Variants in PXDNL observed in about 807,000 individuals in gnomAD.
PXDNL encodes probable oxidoreductase PXDNL.
In PXDNL, 145 loss-of-function variants were observed where a neutral mutation model predicts 150.8. The observed-to-expected ratio is 0.96, with a 90% confidence interval of 0.84 to 1.10. The LOEUF is 1.10. Among genes scored for constraint, PXDNL ranks in the 50% least tolerant of loss-of-function variants. PXDNL has a pLI of 0.00. For synonymous variants in PXDNL, 757 were observed against 725.7 expected (o/e 1.04, Z -0.69); for missense variants, 2,087 against 1,873.9 (o/e 1.11, Z -2.10).
At chr8:51,638,245 C>A (rs1814651912) in intron 2 of PXDNL, among the ~76,000 whole-genome samples, 3 of 152,188 alleles carry the variant, frequency 2.0e-5, no homozygotes, top group African/African-American at 7.2e-5. Context: ...ACTGCAAAAA[C>A]ATGCCAAATT....
At chr8:51,534,483 G>T (rs566950270) in intron 4 of PXDNL, among the ~76,000 whole-genome samples, 250 of 58,320 alleles carry the variant, frequency 4.3e-3, no homozygotes, top group African/African-American at 0.02. Flanking sequence ...AGGGAGGTGG[G>T]GGGGTCAGCC....
At chr8:51,647,940 G>A (rs1814955897) in intron 2 of PXDNL, among the ~76,000 whole-genome samples, 1 of 151,954 alleles carries the variant, frequency 6.6e-6, no homozygotes, top group Admixed American at 6.6e-5. Context: ...ATCAAGAAAA[G>A]CACTGTAAAA....
intron 14 of PXDNL, 85 bp from the exon 15 acceptor site, chr8:51,413,343 AATGTAATGCCATTAC>A: frequency 1.3e-6 from 1 of 752,984 alleles, no homozygotes; most frequent in Non-Finnish European, 2.3e-6. Flanking sequence ...TACATTTTTA[AATGTAATGCCATTAC>A]ATTTAAAACC....
chr8:51,571,087 C>T (rs1000400603), intron 3 of PXDNL, among the ~76,000 whole-genome samples: 1 of 149,236 alleles, frequency 6.7e-6, no homozygotes, highest in South Asian at 2.1e-4. Flanking sequence ...TATATCAGTT[C>T]TTTTTTTTTG....
intron 4 of PXDNL, among the ~76,000 whole-genome samples, chr8:51,517,137 G>C: frequency 6.6e-6 from 1 of 151,800 alleles, no homozygotes; most frequent in East Asian, 1.9e-4. Flanking sequence ...ATATTTGCCC[G>C]GATAACTTTT....
chr8:51,408,605 C>T lies in PXDNL; in HGVS notation c.3019G>A (p.Ala1007Thr), dbSNP rs1351260805. The change falls in exon 17 of 23, where the codon GCG becomes ACG. Residue 1007 changes from alanine (A) to threonine (T), a missense_variant. Coordinates refer to ENST00000356297, the MANE Select transcript of PXDNL (RefSeq NM_144651.5). ...VYQEARKIVGAELQHITYSHW... is the reference protein window; with the variant it reads ...VYQEARKIVGTELQHITYSHW... Reference sequence around the variant, plus strand: ...CTGTAGGTGATGTGCTGCAGCTCCGCGCCCACGATCTTCCTGGCTTCCTGG... The same window carrying T: ...CTGTAGGTGATGTGCTGCAGCTCCGTGCCCACGATCTTCCTGGCTTCCTGG... 3 of 1,611,148 alleles carry T rather than the reference C, an allele frequency of 1.9e-6. No homozygotes were observed. Among genetic ancestry groups the T allele is most frequent in the Admixed American group, 1.7e-5 (1 of 59,712 alleles).
intron 2 of PXDNL, among the ~76,000 whole-genome samples, chr8:51,631,386 C>A (rs1396287058): frequency 2.0e-5 from 3 of 152,048 alleles, no homozygotes; most frequent in Non-Finnish European, 4.4e-5. Flanking sequence ...CCATGACATG[C>A]AATTTACCTG....
rs141687097 is a variant in PXDNL at position 51,646,534 on chromosome 8, C to T, written c.236+8155G>A. Among the ~76,000 whole-genome samples the T allele has an allele frequency of 2.1e-3, 326 of 152,246 alleles. 2 individuals carry two copies. The highest frequency in any genetic ancestry group is 7.3e-3 in the African/African-American group (302 of 41,544). ...CAAAACAAGCACTGAAGAATACCCACGAGATGGGGCACTTCCATGGCAGCC... is the reference window on the plus strand; with the variant it reads ...CAAAACAAGCACTGAAGAATACCCATGAGATGGGGCACTTCCATGGCAGCC... On this transcript the variant is annotated intron_variant, in intron 2 of 22. Transcript: ENST00000356297.
intron 10 of PXDNL, among the ~76,000 whole-genome samples, chr8:51,452,568 T>A (rs1809829641): frequency 6.6e-6 from 1 of 152,154 alleles, no homozygotes; most frequent in Non-Finnish European, 1.5e-5. Flanking sequence ...GGGGCCAAGA[T>A]CACTCTTGGG....
intron 11 of PXDNL, 131 bp downstream of exon 11, chr8:51,448,869 CAA>C: frequency 1.4e-6 from 1 of 692,206 alleles, no homozygotes; most frequent in East Asian, 2.7e-5. Flanking sequence ...ATATTTAGAT[CAA>C]AGATTATTTT....
Position 51,372,000 on chromosome 8 carries a change from A to C in PXDNL, c.3774T>G (p.Cys1258Trp). 1.2e-6 allele frequency: 2 copies of C among 1,613,476 alleles called. No individual in the cohort carries two copies. The highest frequency in any genetic ancestry group is 1.7e-6 in the Non-Finnish European group (2 of 1,179,674). The change falls in exon 19 of 23, where the codon TGT becomes TGG. Residue 1258 changes from cysteine to tryptophan, a missense_variant. By Grantham distance (215) the Cys-to-Trp change is radical (BLOSUM62 -2). Coordinates refer to ENST00000356297, the MANE Select transcript of PXDNL (RefSeq NM_144651.5). ...CTTGCTGAATGCTGTCACCATTGTC[A>C]CAAAGCACCCGGCTCAGGGACGCCT... The part of the protein sequence containing the change: ...LKQASLSRVL[C>W]DNGDSIQQVQ...
At chr8:51,541,627 G>A (rs114376349) in intron 4 of PXDNL, among the ~76,000 whole-genome samples, 2,597 of 152,266 alleles carry the variant, frequency 0.017, 33 homozygotes, top group African/African-American at 0.029. Flanking sequence ...AGGGCTCTCT[G>A]TGTAGCTCCC....
intron 1 of PXDNL, among the ~76,000 whole-genome samples, chr8:51,735,591 G>T (rs1817021910): frequency 8.0e-6 from 1 of 124,544 alleles, no homozygotes; most frequent in Admixed American, 8.8e-5. Flanking sequence ...CTGTCGCCCA[G>T]GCTGGAGTGC....
chr8:51,703,795 A>C (rs1403005275), intron 1 of PXDNL, among the ~76,000 whole-genome samples: 1 of 152,254 alleles, frequency 6.6e-6, no homozygotes, highest in Non-Finnish European at 1.5e-5. Flanking sequence ...CATGATTAAA[A>C]ATCCTTTTGT....
chr8:51,327,996 G>C lies in PXDNL; in HGVS notation c.4147-7099C>G, dbSNP rs115399968. Among the ~76,000 whole-genome samples, 721 of 152,316 alleles carry C rather than the reference G, an allele frequency of 4.7e-3. 5 individuals carry two copies. Among genetic ancestry groups the C allele is most frequent in the African/African-American group, 0.017 (696 of 41,572 alleles). ...TGGTTAGTTTTATGAGTCAGCTTTG[G>C]GAGTGCTTTTGGATGAGATTAACAT... On this transcript the variant is annotated intron_variant, in intron 21 of 22. Coordinates refer to ENST00000356297, the MANE Select transcript of PXDNL (RefSeq NM_144651.5).
chr8:51,561,567 T>C (rs886113920), intron 3 of PXDNL, among the ~76,000 whole-genome samples: 1 of 151,816 alleles, frequency 6.6e-6, no homozygotes, highest in Non-Finnish European at 1.5e-5. Context: ...TTCTGACACA[T>C]GCTACAAAAT....
chr8:51,432,856 A>T (rs75595467), intron 12 of PXDNL, among the ~76,000 whole-genome samples: 2,063 of 152,268 alleles, frequency 0.014, 41 homozygotes, highest in African/African-American at 0.047. Context: ...GCCTTTCCGT[A>T]AAGGCTAGGA....
At chr8:51,439,466 C>G (rs1349395991) in intron 12 of PXDNL, among the ~76,000 whole-genome samples, 1 of 152,118 alleles carries the variant, frequency 6.6e-6, no homozygotes, top group Non-Finnish European at 1.5e-5. Context: ...AACACTTTTA[C>G]ACTGCTGGTG....
At chr8:51,599,749 A>T (rs1813655924) in intron 2 of PXDNL, among the ~76,000 whole-genome samples, 1 of 146,392 alleles carries the variant, frequency 6.8e-6, no homozygotes, top group Non-Finnish European at 1.5e-5. Flanking sequence ...TATATAAATG[A>T]TATCGTTTAT....
Sources: allele counts gnomAD v4.1 joint callset (sites outside exome capture counted in the v4.1 genomes callset), GRCh38; gene constraint gnomAD v4.1.1; transcripts MANE v1.5; gene names NCBI Gene and HGNC (gene_info 2026-07-23, HGNC 2026-07-21).